The following CIMAP1A variants were observed in gnomAD, a reference collection of about 807,000 sequenced individuals.
CIMAP1A encodes ciliary microtubule associated protein 1A, also known as cancer/testis antigen 135.
the CIMAP1A span, chr11:198,559 G>C: frequency 1.9e-6 from 3 of 1,610,516 alleles, no homozygotes; most frequent in Non-Finnish European, 2.5e-6. Flanking sequence ...CAGCAAGCTG[G>C]GCGGCTTCAG....
At chr11:198,474 G>A in the CIMAP1A span, 183 of 1,613,164 alleles carry the variant, frequency 1.1e-4, no homozygotes, top group Non-Finnish European at 1.2e-4. Flanking sequence ...GCCCCGCTGC[G>A]TACATGCTGC....
the CIMAP1A span, chr11:200,014 T>A: frequency 6.2e-7 from 1 of 1,614,052 alleles, no homozygotes; most frequent in South Asian, 1.1e-5. Flanking sequence ...ATGACTCCCC[T>A]GCTGGTTGAT....
At chr11:199,976 C>T in the CIMAP1A span, 108 of 1,614,156 alleles carry the variant, frequency 6.7e-5, no homozygotes, top group Admixed American at 1.8e-3. Flanking sequence ...CCCCAGTTGT[C>T]ACCTTCGGCA....
At chr11:198,522 C>T in the CIMAP1A span, 1 of 1,613,092 alleles carries the variant, frequency 6.2e-7, no homozygotes, top group Admixed American at 1.7e-5. Flanking sequence ...GCAAGGCCTC[C>T]CAGCCCTCCT....
the CIMAP1A span, chr11:199,807 T>C: frequency 6.8e-7 from 1 of 1,460,854 alleles, no homozygotes; most frequent in African/African-American, 1.4e-5. Context: ...GAGTGCTCTG[T>C]GTTCAAACCT....
chr11:197,974 CAG>C, the CIMAP1A span: 1 of 1,529,344 alleles, frequency 6.5e-7, no homozygotes, highest in Non-Finnish European at 8.8e-7. Context: ...CTTTCTCTGC[CAG>C]GCCGACGTCA....
At chr11:199,899 T>A in the CIMAP1A span, 2 of 1,607,126 alleles carry the variant, frequency 1.2e-6, no homozygotes, top group African/African-American at 2.7e-5. Context: ...GACCTGCAGG[T>A]GGGGGCAGGG....
the CIMAP1A span, chr11:199,945 T>G: frequency 6.2e-7 from 1 of 1,614,032 alleles, no homozygotes; most frequent in South Asian, 1.1e-5. Context: ...CTCTCCCAGG[T>G]GACCCTGACC....
At chr11:199,505 A>G in the CIMAP1A span, 9 of 1,554,232 alleles carry the variant, frequency 5.8e-6, no homozygotes, top group South Asian at 9.5e-5. Flanking sequence ...CACAGCCCTG[A>G]GAAGGTCCAG....
chr11:199,140 TGCCATTGCCAGCGTGAG>T, the CIMAP1A span: 19 of 1,398,810 alleles, frequency 1.4e-5, no homozygotes, highest in African/African-American at 4.3e-5. Flanking sequence ...ACACTGGGGA[TGCCATTGCCAGCGTGAG>T]GCTGAAATGG....
At chr11:198,665 C>A in the CIMAP1A span, 9 of 1,533,704 alleles carry the variant, frequency 5.9e-6, no homozygotes, top group Non-Finnish European at 7.0e-6. Flanking sequence ...CCCACCAGTT[C>A]GGCCCTGCCT....
the CIMAP1A span, chr11:197,706 T>C: frequency 2.5e-6 from 4 of 1,613,854 alleles, no homozygotes; most frequent in Non-Finnish European, 3.4e-6. Context: ...ACCTTGGCCC[T>C]GCCTACTCCA....
chr11:198,404 A>G, the CIMAP1A span: 5 of 1,613,062 alleles, frequency 3.1e-6, no homozygotes, highest in East Asian at 1.1e-4. Flanking sequence ...GTTGGGGGAG[A>G]GCCCCAGGGA....
the CIMAP1A span, chr11:197,726 G>A: frequency 2.3e-5 from 37 of 1,613,644 alleles, no homozygotes; most frequent in Non-Finnish European, 2.9e-5. Context: ...ATCCTGGGGC[G>A]CTACCAAACC....
the CIMAP1A span, chr11:198,032 T>C: frequency 6.7e-5 from 103 of 1,539,786 alleles, no homozygotes; most frequent in Non-Finnish European, 8.5e-5. Context: ...TCACCAGCCC[T>C]GAAGTCAGCA....
At chr11:197,372 A>G in the CIMAP1A span, 4 of 1,599,240 alleles carry the variant, frequency 2.5e-6, no homozygotes, top group African/African-American at 4.0e-5. Context: ...ATGGCCCTCT[A>G]CAGCAGCCCT....
chr11:197,103 G>A, the CIMAP1A span: 2 of 497,474 alleles, frequency 4.0e-6, no homozygotes, highest in Non-Finnish European at 7.2e-6. Flanking sequence ...CTGGTGAGGA[G>A]CTCACAGACC....
the CIMAP1A span, chr11:199,160 T>C: frequency 7.1e-7 from 1 of 1,415,576 alleles, no homozygotes; most frequent in South Asian, 1.5e-5. Flanking sequence ...AGCGTGAGGC[T>C]GAAATGGAGG....
At chr11:198,390 C>T in the CIMAP1A span, 1 of 1,613,216 alleles carries the variant, frequency 6.2e-7, no homozygotes, top group East Asian at 2.2e-5. Context: ...GGCTGATCTC[C>T]AGAGTTGGGG....
Sources: allele counts gnomAD v4.1 joint callset, GRCh38; gene constraint gnomAD v4.1.1; transcripts MANE v1.5; gene names NCBI Gene and HGNC (gene_info 2026-07-23, HGNC 2026-07-21).